Variants in PCTP observed in about 807,000 individuals in gnomAD.
PCTP encodes the protein phosphatidylcholine transfer protein, also known as START domain-containing protein 2.
In PCTP, 27 loss-of-function variants were observed where a neutral mutation model predicts 31.0. The ratio of observed to expected loss-of-function variants is 0.87; its 90% CI spans 0.64 to 1.20. PCTP has a LOEUF of 1.20. PCTP is among the 50% of genes most tolerant of loss of function. PCTP has a pLI of 0.00. For synonymous variants in PCTP, 108 were observed against 101.2 expected (o/e 1.07, Z -0.40); for missense variants, 287 against 268.2 (o/e 1.07, Z -0.49).
chr17:55,792,876 A>G (rs951640429), intron 3 of PCTP, among the ~76,000 whole-genome samples: 2 of 152,132 alleles, frequency 1.3e-5, no homozygotes, highest in Non-Finnish European at 1.5e-5. Context: ...GGATGCTCAT[A>G]CATTCCCTCT....
At chr17:55,801,532 A>T (rs997378752) in intron 3 of PCTP, among the ~76,000 whole-genome samples, 1 of 152,198 alleles carries the variant, frequency 6.6e-6, no homozygotes, top group Admixed American at 6.5e-5. Flanking sequence ...CCACAGTGCA[A>T]TCAAATTAGA....
At position 55,773,705 on chromosome 17, in the gene PCTP, GCCTTA is replaced by G; in HGVS notation, c.340-18_340-14del. ...TCTACAATGCTGGCGTTGGTGTCTT[GCCTTA>G]ACTGGCTATGCAGTATGTCTACCTT... is the stretch of plus-strand genomic sequence containing the variant. On this transcript the variant is annotated splice_polypyrimidine_tract_variant and intron_variant, in intron 3 of 5. Coordinates refer to ENST00000268896, the MANE Select transcript of PCTP (RefSeq NM_021213.4). The G allele has an allele frequency of 1.3e-6, 2 of 1,595,520 alleles. No individual in the cohort carries two copies. The highest frequency in any genetic ancestry group is 1.7e-6 in the Non-Finnish European group (2 of 1,165,570).
At chr17:55,774,344 A>T (rs996283208) in intron 4 of PCTP, among the ~76,000 whole-genome samples, 1 of 152,188 alleles carries the variant, frequency 6.6e-6, no homozygotes, top group Admixed American at 6.5e-5. Context: ...AAAGCTGCAG[A>T]CAGAGAGTGG....
chr17:55,832,211 C>T (rs960805263), intron 5 of PCTP, among the ~76,000 whole-genome samples: 5 of 152,260 alleles, frequency 3.3e-5, no homozygotes, highest in Admixed American at 3.3e-4. Context: ...TGAAAGCTCA[C>T]TCTCAGGTGA....
chr17:55,828,693 G>T (rs541078536), intron 5 of PCTP, among the ~76,000 whole-genome samples: 2 of 152,266 alleles, frequency 1.3e-5, no homozygotes, highest in Non-Finnish European at 2.9e-5. Flanking sequence ...CCAAAACAGT[G>T]CCCAAAAGGG....
At chr17:55,757,144 TACAC>T (rs1050932967) in intron 1 of PCTP, among the ~76,000 whole-genome samples, 16 of 151,686 alleles carry the variant, frequency 1.1e-4, no homozygotes, top group Admixed American at 5.3e-4. Flanking sequence ...TATATATATG[TACAC>T]ACACAAAAGC....
intron 3 of PCTP, among the ~76,000 whole-genome samples, chr17:55,790,969 G>A (rs1911945029): frequency 6.6e-6 from 1 of 151,638 alleles, no homozygotes. Flanking sequence ...ATAGATCAAC[G>A]GAACAGAACA....
intron 3 of PCTP, among the ~76,000 whole-genome samples, chr17:55,789,891 G>A (rs1193142043): frequency 2.6e-5 from 4 of 152,106 alleles, no homozygotes; most frequent in Non-Finnish European, 5.9e-5. Flanking sequence ...GAACATTGAT[G>A]CAAAAATCCT....
intron 1 of PCTP, among the ~76,000 whole-genome samples, chr17:55,756,502 C>T (rs911159173): frequency 6.6e-6 from 1 of 152,030 alleles, no homozygotes; most frequent in Admixed American, 6.6e-5. Flanking sequence ...AAAGTTCAAG[C>T]ACATTGGAAT....
chr17:55,832,517 T>C (rs1375130760), intron 5 of PCTP, among the ~76,000 whole-genome samples: 1 of 152,154 alleles, frequency 6.6e-6, no homozygotes, highest in Non-Finnish European at 1.5e-5. Flanking sequence ...ATTGGTGGTG[T>C]TCTTTCTTTG....
At chr17:55,775,787 G>C in intron 5 of PCTP, 1 of 1,253,888 alleles carries the variant, frequency 8.0e-7, no homozygotes, top group Non-Finnish European at 1.0e-6. Context: ...AAACATCTTC[G>C]CTTTTTCCTA....
chr17:55,776,015 C>T lies in PCTP; in HGVS notation c.580-20C>T, dbSNP rs370225810. 6.2e-6 allele frequency: 10 copies of T among 1,613,208 alleles called. No homozygotes were observed. In the African/African-American group the frequency reaches 8.0e-5, roughly 13 times the overall value. On this transcript the variant is annotated intron_variant, in intron 5 of 5. Coordinates refer to ENST00000268896, the MANE Select transcript of PCTP (RefSeq NM_021213.4). The stretch of plus-strand genomic sequence containing the variant: ...GACCACTGTGAAGACATAGAAATGA[C>T]AGTCTCATTTCCTTTGCAGAATGGA...
At chr17:55,848,123 C>T in the PCTP span, among the ~76,000 whole-genome samples, 1 of 152,114 alleles carries the variant, frequency 6.6e-6, no homozygotes, top group African/African-American at 2.4e-5. Context: ...CAGGGTTTCG[C>T]CATGTTGGCC....
chr17:55,762,076 G>A (rs1461494119), intron 1 of PCTP, among the ~76,000 whole-genome samples: 2 of 152,128 alleles, frequency 1.3e-5, no homozygotes, highest in African/African-American at 2.4e-5. Flanking sequence ...AGCAAAGAAC[G>A]TTAGAAAGAA....
intron 5 of PCTP, among the ~76,000 whole-genome samples, chr17:55,828,281 C>A (rs956110059): frequency 6.6e-6 from 1 of 152,172 alleles, no homozygotes; most frequent in African/African-American, 2.4e-5. Flanking sequence ...AATGTGTTCT[C>A]TCACAGTTTT....
chr17:55,777,052 T>C lies in PCTP; in HGVS notation c.*952T>C, dbSNP rs1477524277. The C allele has an allele frequency of 5.1e-6, 5 of 985,794 alleles. No homozygotes were observed. Among genetic ancestry groups the C allele is most frequent in the Non-Finnish European group, 6.0e-6 (5 of 829,916 alleles). 61.1% of individuals were successfully genotyped at this position (985,794 alleles called of 1,614,324 possible). On this transcript the variant is annotated 3_prime_UTR_variant, in exon 6 of 6. Coordinates refer to ENST00000268896, the MANE Select transcript of PCTP (RefSeq NM_021213.4). ...TCACAGCCAGGTAAAATTTAACTGG[T>C]GGCTTAATGACTCTGCACCTTTTTC...
intron 5 of PCTP, among the ~76,000 whole-genome samples, chr17:55,837,782 A>C (rs554947299): frequency 3.3e-5 from 5 of 151,944 alleles, no homozygotes; most frequent in African/African-American, 1.2e-4. Flanking sequence ...TTCCTCATTC[A>C]CTTCATTGTC....
At chr17:55,779,111 A>AT (rs896188363), downstream of PCTP, among the ~76,000 whole-genome samples, 3 of 152,168 alleles carry the variant, frequency 2.0e-5, no homozygotes, top group African/African-American at 7.2e-5. Context: ...ACCTCAGAGA[A>AT]TTATCTTTAA....
chr17:55,772,563 G>T (rs1911071512), intron 3 of PCTP, among the ~76,000 whole-genome samples: 1 of 149,722 alleles, frequency 6.7e-6, no homozygotes, highest in Non-Finnish European at 1.5e-5. Flanking sequence ...CTCCAGTCTG[G>T]GTGAGACTCT....
Sources: gnomAD v4.1 joint callset for allele counts (sites outside exome capture counted in the v4.1 genomes callset) on GRCh38, gnomAD v4.1.1 for gene constraint, MANE v1.5 for transcripts, NCBI Gene and HGNC (gene_info 2026-07-23, HGNC 2026-07-21) for gene names.